The following CLVS1 variants were observed in gnomAD, a reference collection of about 807,000 sequenced individuals.
CLVS1 encodes clavesin 1.
CLVS1 carries 10 observed loss-of-function variants against 33.1 expected under a neutral mutation model. The ratio of observed to expected loss-of-function variants is 0.30; its 90% CI spans 0.19 to 0.51. CLVS1 has a LOEUF of 0.51. Among genes scored for constraint, CLVS1 ranks in the 20% least tolerant of loss-of-function variants. The pLI is 0.97. For missense variants in CLVS1, 343 were observed against 433.4 expected, an observed-to-expected ratio of 0.79 and a Z score of 1.85; for synonymous variants, 163 against 166.1, an observed-to-expected ratio of 0.98 and a Z score of 0.14.
intron 2 of CLVS1, among the ~76,000 whole-genome samples, chr8:61,171,622 T>A (rs2129298564): frequency 6.6e-6 from 1 of 152,286 alleles, no homozygotes; most frequent in Non-Finnish European, 1.5e-5. Context: ...GTCAACAGGA[T>A]TTGTTCTTTC....
chr8:61,076,818 G>GAAGGCCAGAGTCCCTACACCA (rs1173765280), intron 1 of CLVS1, among the ~76,000 whole-genome samples: 1 of 152,134 alleles, frequency 6.6e-6, no homozygotes, highest in Non-Finnish European at 1.5e-5. Context: ...TGCACTGGAA[G>GAAGGCCAGAGTCCCTACACCA]AAGGCCAGAG....
intron 2 of CLVS1, among the ~76,000 whole-genome samples, chr8:61,209,420 A>C (rs2129306905): frequency 6.6e-6 from 1 of 152,358 alleles, no homozygotes; most frequent in Non-Finnish European, 1.5e-5. Context: ...CTATGATAGA[A>C]CATTGGCTAT....
intron 2 of CLVS1, among the ~76,000 whole-genome samples, chr8:61,216,749 G>C (rs982259829): frequency 6.6e-6 from 1 of 152,212 alleles, no homozygotes. Flanking sequence ...GCTGAGCAGA[G>C]TTCAGCCTCT....
rs942925347 is a variant in CLVS1 at position 61,302,685 on chromosome 8, G to T, written c.455+2403G>T. Among the ~76,000 whole-genome samples the T allele has an allele frequency of 2.6e-5, 4 of 152,186 alleles. No homozygotes were observed. The South Asian group carries it at 8.3e-4, about 32-fold the overall frequency. The stretch of plus-strand genomic sequence containing the variant: ...GAAATAGGAAAGTATTGATAATTCT[G>T]GAGAATAATTGTATTAGTCCATTCT... On this transcript the variant is annotated intron_variant, in intron 2 of 5. Coordinates refer to ENST00000325897, the MANE Select transcript of CLVS1 (RefSeq NM_173519.3).
At chr8:61,068,229 G>GTA (rs201671807) in intron 1 of CLVS1, among the ~76,000 whole-genome samples, 1,630 of 100,948 alleles carry the variant, frequency 0.016, 21 homozygotes, top group Middle Eastern at 0.031. Flanking sequence ...GTATGTATGT[G>GTA]TATATATATA....
intron 3 of CLVS1, among the ~76,000 whole-genome samples, chr8:61,413,240 T>A (rs1378337341): frequency 6.6e-6 from 1 of 152,212 alleles, no homozygotes; most frequent in Non-Finnish European, 1.5e-5. Context: ...TATGGGCAAC[T>A]CATATGCTAC....
the CLVS1 span, among the ~76,000 whole-genome samples, chr8:61,009,066 T>G: frequency 3.9e-5 from 6 of 152,232 alleles, no homozygotes; most frequent in Non-Finnish European, 8.8e-5. Flanking sequence ...ATTTATTATT[T>G]TATCTAATTT....
chr8:61,468,204 C>T (rs1817618444), intron 5 of CLVS1, among the ~76,000 whole-genome samples: 1 of 152,120 alleles, frequency 6.6e-6, no homozygotes, highest in Admixed American at 6.6e-5. Flanking sequence ...AGCTCAAGGC[C>T]CCCAACTTTG....
intron 3 of CLVS1, among the ~76,000 whole-genome samples, chr8:61,379,273 TGG>T (rs1813770351): frequency 6.6e-6 from 1 of 152,196 alleles, no homozygotes; most frequent in East Asian, 1.9e-4. Flanking sequence ...CTAGGCCATC[TGG>T]TTTGGGATTT....
chr8:61,351,947 A>G (rs1812485212), intron 2 of CLVS1, among the ~76,000 whole-genome samples: 1 of 152,106 alleles, frequency 6.6e-6, no homozygotes, highest in South Asian at 2.1e-4. Flanking sequence ...ATTTCTTTAA[A>G]TGGAAAGTAA....
At chr8:61,152,495 G>T (rs2129295124) in intron 2 of CLVS1, among the ~76,000 whole-genome samples, 1 of 152,314 alleles carries the variant, frequency 6.6e-6, no homozygotes, top group East Asian at 1.9e-4. Flanking sequence ...TATGGAGAAA[G>T]CTGCTTTCTT....
chr8:61,469,609 T>G (rs887272430), intron 5 of CLVS1, among the ~76,000 whole-genome samples: 2 of 152,208 alleles, frequency 1.3e-5, no homozygotes, highest in African/African-American at 2.4e-5. Context: ...CCTCTTTTTA[T>G]AGGGTGAATT....
intron 5 of CLVS1, among the ~76,000 whole-genome samples, chr8:61,470,455 C>T (rs983077058): frequency 2.6e-5 from 4 of 152,240 alleles, no homozygotes; most frequent in Non-Finnish European, 4.4e-5. Flanking sequence ...TTTGATTACT[C>T]ACTGTGTTAT....
chr8:61,471,142 A>G (rs1490020699), intron 5 of CLVS1, among the ~76,000 whole-genome samples: 2 of 152,012 alleles, frequency 1.3e-5, no homozygotes, highest in African/African-American at 2.4e-5. Context: ...TCATTTTCTT[A>G]TACTGGTTAT....
chr8:60,980,151 G>T, the CLVS1 span, among the ~76,000 whole-genome samples: 1 of 152,140 alleles, frequency 6.6e-6, no homozygotes, highest in Non-Finnish European at 1.5e-5. Flanking sequence ...AGTTCTAATG[G>T]CCAGGTTTGC....
intron 2 of CLVS1, among the ~76,000 whole-genome samples, chr8:61,277,506 C>T (rs1181744850): frequency 6.6e-6 from 1 of 152,108 alleles, no homozygotes; most frequent in African/African-American, 2.4e-5. Context: ...AAGGGATGGT[C>T]TATGGGTGAG....
At chr8:61,227,536 G>A (rs1808357005) in intron 2 of CLVS1, among the ~76,000 whole-genome samples, 1 of 152,154 alleles carries the variant, frequency 6.6e-6, no homozygotes, top group African/African-American at 2.4e-5. Flanking sequence ...GAAGGGACAT[G>A]AGTCACTGTT....
At chr8:61,483,012 T>C (rs1036412412) in intron 5 of CLVS1, among the ~76,000 whole-genome samples, 1 of 152,128 alleles carries the variant, frequency 6.6e-6, no homozygotes, top group Non-Finnish European at 1.5e-5. Flanking sequence ...ATTGACATCC[T>C]AACATCACAA....
At chr8:61,355,585 C>T (rs1299044181) in intron 2 of CLVS1, among the ~76,000 whole-genome samples, 1 of 152,106 alleles carries the variant, frequency 6.6e-6, no homozygotes, top group African/African-American at 2.4e-5. Flanking sequence ...CCACAACAGT[C>T]CCCAGAGCCT....
Sources: allele counts gnomAD v4.1 joint callset (sites outside exome capture counted in the v4.1 genomes callset), GRCh38; gene constraint gnomAD v4.1.1; transcripts MANE v1.5; gene names NCBI Gene and HGNC (gene_info 2026-07-23, HGNC 2026-07-21).